The following DNTTIP2 variants were observed in gnomAD, a reference collection of about 807,000 sequenced individuals.
DNTTIP2 encodes the protein deoxynucleotidyltransferase terminal interacting protein 2.
Under a neutral mutation model 62.4 loss-of-function variants are expected in DNTTIP2, and 47 were observed. The ratio of observed to expected loss-of-function variants is 0.75; its 90% CI spans 0.60 to 0.96. DNTTIP2 has a LOEUF of 0.96. Among genes scored for constraint, DNTTIP2 ranks in the 40% least tolerant of loss-of-function variants. DNTTIP2 has a pLI of 0.00. For synonymous variants in DNTTIP2, 322 were observed against 300.9 expected (o/e 1.07, Z -0.73); for missense variants, 870 against 849.1 (o/e 1.02, Z -0.31).
At position 93,877,204 on chromosome 1, in the gene DNTTIP2, G is replaced by C. The variant is rs1367325234; in HGVS notation, c.731C>G (p.Thr244Ser). The change falls in exon 2 of 7, where the codon ACT becomes AGT. Residue 244 changes from threonine to serine, a missense_variant. Physicochemically the swap from Thr to Ser is moderately conservative, Grantham distance 58. Transcript: ENST00000436063. ...VNSEDSDTRQ[T>S]SHLQARSLSE... is the part of the protein sequence containing the mutation. ...AAGAGATCTTGCTTGTAAATGGGAA[G>C]TTTGTCTGGTATCTGAATCCTCTGA... 2 of 1,613,722 alleles carry C rather than the reference G, an allele frequency of 1.2e-6. No individual in the cohort carries two copies. Among genetic ancestry groups the C allele is most frequent in the Non-Finnish European group, 1.7e-6 (2 of 1,179,870 alleles).
rs1005553294 is a variant in DNTTIP2, at chr1:93,867,815, A to G, written c.*2036T>C. ...AACATAGTATTCCAGAAACAAAAGT[A>G]GTTTTTTTTTAAAATAAAAGAGAAC... On this transcript the variant is annotated 3_prime_UTR_variant, in exon 7 of 7. Transcript: ENST00000436063. The G allele has an allele frequency of 8.9e-6, 1 of 112,764 alleles. No individual in the cohort carries two copies. The highest frequency in any genetic ancestry group is 1.9e-5 in the Non-Finnish European group (1 of 54,050). 7.0% of individuals were successfully genotyped at this position (112,764 alleles called of 1,614,324 possible).
At chr1:93,871,200 G>A (rs1014024606) in intron 5 of DNTTIP2, among the ~76,000 whole-genome samples, 18 of 152,126 alleles carry the variant, frequency 1.2e-4, no homozygotes. Flanking sequence ...TTCTGTATTT[G>A]TTCATACACT....
At chr1:93,879,001 G>C in intron 1 of DNTTIP2, 76 bp downstream of exon 1, 2 of 1,571,244 alleles carry the variant, frequency 1.3e-6, no homozygotes, top group South Asian at 1.2e-5. Context: ...ACCCTTAACC[G>C]GACCCTTGCG....
intron 3 of DNTTIP2, among the ~76,000 whole-genome samples, chr1:93,875,335 C>A (rs1396141115): frequency 1.3e-5 from 2 of 152,026 alleles, no homozygotes; most frequent in African/African-American, 4.8e-5. Flanking sequence ...AGATTCTCAA[C>A]AGTCTACACT....
intron 5 of DNTTIP2, 122 bp downstream of exon 5, chr1:93,871,950 T>C: frequency 9.1e-7 from 1 of 1,102,054 alleles, no homozygotes. Context: ...GCAGATATGT[T>C]CCATACATTA....
At position 93,876,630 on chromosome 1, in the gene DNTTIP2, C is replaced by T; in HGVS notation, c.1305G>A (p.Gln435=). The change falls in exon 2 of 7, where the codon CAG becomes CAA. Residue 435 remains glutamine, a synonymous_variant. Transcript: ENST00000436063. ...CTAGTAAGACAGAATTATCTTTACC[C>T]TGAGATGTGTTGGGCGCAGACGTGT... ...KLYTSAPNTS[Q]GKDNSVLLVL... The T allele has an allele frequency of 6.2e-7, 1 of 1,614,000 alleles. No homozygotes were observed. Among genetic ancestry groups the T allele is most frequent in the African/African-American group, 1.3e-5 (1 of 75,042 alleles).
chr1:93,876,689 C>T lies in DNTTIP2; in HGVS notation c.1246G>A (p.Gly416Arg), dbSNP rs1656016931. The T allele has an allele frequency of 6.2e-7, 1 of 1,613,898 alleles. No individual in the cohort carries two copies. The highest frequency in any genetic ancestry group is 1.7e-5 in the Admixed American group (1 of 60,012). ...GTATCACATTCAAAATCTACATTCC[C>T]TTCACTGTTCATGTCTTCACTGACA... ...ISVSEDMNSE[G>R]NVDFECDTKL... Residue 416 changes from glycine to arginine, a missense_variant, in exon 2 of 7, where the codon GGG (glycine) becomes AGG (arginine). Gly to Arg is a moderately radical substitution (Grantham distance 125). Coordinates refer to ENST00000436063, the MANE Select transcript of DNTTIP2 (RefSeq NM_014597.5).
At chr1:93,876,036 C>G (rs115740577) in intron 2 of DNTTIP2, among the ~76,000 whole-genome samples, 259 of 34,666 alleles carry the variant, frequency 7.5e-3, no homozygotes, top group African/African-American at 0.029. Flanking sequence ...ACCACTGCAG[C>G]CTTGAACTCT....
rs1317289051 is a variant in DNTTIP2, at chr1:93,875,705, T to G, written c.1746A>C (p.Ala582=). The G allele has an allele frequency of 1.1e-5, 18 of 1,613,598 alleles. No homozygotes were observed. In the South Asian group the frequency reaches 2.0e-4, roughly 18 times the overall value. ...QLGGLYINFN[A]DKLQSNKRTL... is the part of the protein sequence containing the mutation. Reference sequence around the variant, plus strand: ...TTCTCTTGTTAGACTGTAGTTTATCTGCATTAAAATTAATATACAAACCAC... The same window carrying G: ...TTCTCTTGTTAGACTGTAGTTTATCGGCATTAAAATTAATATACAAACCAC... Residue 582 remains alanine (A), a synonymous_variant, in exon 3 of 7, where the codon GCA becomes GCC. Transcript: ENST00000436063.
intron 6 of DNTTIP2, among the ~76,000 whole-genome samples, chr1:93,870,257 A>G (rs1377407662): frequency 6.6e-6 from 1 of 152,200 alleles, no homozygotes; most frequent in Non-Finnish European, 1.5e-5. Flanking sequence ...GACTAAGCAA[A>G]ACAAAAAGTC....
At position 93,876,348 on chromosome 1, in the gene DNTTIP2, T is replaced by C. The variant is rs762256669; in HGVS notation, c.1587A>G (p.Glu529=). 6.4e-6 allele frequency: 10 copies of C among 1,557,136 alleles called. No individual in the cohort carries two copies. The African/African-American group carries it at 6.8e-5, about 11-fold the overall frequency. The change falls in exon 2 of 7, where the codon GAA becomes GAG. Residue 529 remains glutamate (E), a synonymous_variant. Transcript: ENST00000436063. The part of the protein sequence containing the change: ...EKEEEEDEKS[E]EDSSDHDENE... ...TTTCGTCATGGTCTGATGAATCTTC[T>C]TCACTTTTTTCATCCTCTTCCTCTT...
intron 4 of DNTTIP2, 56 bp downstream of exon 4, chr1:93,873,063 G>C: frequency 2.4e-6 from 3 of 1,248,710 alleles, no homozygotes; most frequent in Non-Finnish European, 3.5e-6. Context: ...TGTTGTATAA[G>C]CTGAAAATAT....
Position 93,877,441 on chromosome 1 carries a change from C to T in DNTTIP2, c.494G>A (p.Arg165Lys). The part of the protein sequence containing the change: ...LPTEKTTGAR[R>K]SKAKSLTDPS... The stretch of plus-strand genomic sequence containing the variant: ...ATCTGTCAGAGATTTAGCCTTACTT[C>T]TTCTGGCTCCTGTAGTTTTTTCTGT... The change falls in exon 2 of 7, where the codon AGA becomes AAA. Residue 165 changes from arginine to lysine, a missense_variant. By Grantham distance (26) the Arg-to-Lys change is conservative. Coordinates refer to ENST00000436063, the MANE Select transcript of DNTTIP2 (RefSeq NM_014597.5). 1.2e-6 allele frequency: 2 copies of T among 1,613,852 alleles called. No homozygotes were observed. Among genetic ancestry groups the T allele is most frequent in the Non-Finnish European group, 1.7e-6 (2 of 1,179,880 alleles).
Position 93,876,688 on chromosome 1 carries a change from CCTTCACTGTTCATGT to C in DNTTIP2, c.1232_1246del (p.Asp411_Glu415del), listed in dbSNP as rs1656017003. The C allele has an allele frequency of 6.2e-7, 1 of 1,613,884 alleles. No individual in the cohort carries two copies. The highest frequency in any genetic ancestry group is 1.3e-5 in the African/African-American group (1 of 74,908). ...GGTATCACATTCAAAATCTACATTC[CCTTCACTGTTCATGT>C]CTTCACTGACACTTATAACTGTGGA... On this transcript the variant is annotated inframe_deletion, in exon 2 of 7. Transcript: ENST00000436063.
In DNTTIP2 at chr1:93,870,798, A is replaced by G; in HGVS notation, c.2068-6T>C. ...TTGTCAACAATGGTTCCAATCTGTG[A>G]ACAATTGATTGAAATAAGTCATGCA... On this transcript the variant is annotated splice_region_variant and splice_polypyrimidine_tract_variant and intron_variant, in intron 5 of 6. Transcript: ENST00000436063. 6.7e-7 allele frequency: 1 copy of G among 1,493,738 alleles called. No homozygotes were observed. The highest frequency in any genetic ancestry group is 9.1e-7 in the Non-Finnish European group (1 of 1,103,134). The allele number at this position is 1,493,738 out of a possible 1,614,324, so 92.5% of individuals were successfully genotyped here. A position where few individuals can be genotyped will look rare whatever the true frequency, so the allele number is the denominator to read the frequency against.
rs1032289922 is a variant in DNTTIP2 at position 93,866,384 on chromosome 1, T to A, written c.*3467A>T. The stretch of plus-strand genomic sequence containing the variant: ...TTACTGAAAACTTTCAATAAAGATA[T>A]TCATCTAATTAAATAGTAAGTACAA... On this transcript the variant is annotated 3_prime_UTR_variant, in exon 7 of 7. Coordinates refer to ENST00000436063, the MANE Select transcript of DNTTIP2 (RefSeq NM_014597.5). 4 of 152,226 alleles carry A rather than the reference T, an allele frequency of 2.6e-5. No homozygotes were observed. Among genetic ancestry groups the A allele is most frequent in the African/African-American group, 7.2e-5 (3 of 41,456 alleles). 9.4% of individuals were successfully genotyped at this position (152,226 alleles called of 1,614,324 possible).
In DNTTIP2 at chr1:93,879,109, G is replaced by C. The variant is rs1396769166; in HGVS notation, c.40C>G (p.Gln14Glu). Reference sequence around the variant, plus strand: ...CCGGAACTTTCAGCCGACGCGGCTTGGATGCTGGCCTTAGCCCGTGCAGAT... The same window carrying C: ...CCGGAACTTTCAGCCGACGCGGCTTCGATGCTGGCCTTAGCCCGTGCAGAT... ...TRSARAKASI[Q>E]AASAESSGQK... Residue 14 changes from glutamine to glutamate, a missense_variant, in exon 1 of 7, where the codon CAA becomes GAA. By Grantham distance (29) the Gln-to-Glu change is conservative. Coordinates refer to ENST00000436063, the MANE Select transcript of DNTTIP2 (RefSeq NM_014597.5). The C allele has an allele frequency of 6.2e-7, 1 of 1,613,606 alleles. No homozygotes were observed.
intron 4 of DNTTIP2, among the ~76,000 whole-genome samples, chr1:93,872,872 C>CTATATA (rs34797896): frequency 1.6e-5 from 2 of 127,952 alleles, no homozygotes; most frequent in African/African-American, 8.5e-5. Flanking sequence ...TAGAAGTAAT[C>CTATATA]TATATATATA....
rs982473418 is a variant in DNTTIP2 at position 93,867,968 on chromosome 1, C to G, written c.*1883G>C. Reference sequence around the variant, plus strand: ...ATGGGCAGACTGCATGACTAAAACACCAAAAGCAATGGCAACAAAAGGCAA... The same window carrying G: ...ATGGGCAGACTGCATGACTAAAACAGCAAAAGCAATGGCAACAAAAGGCAA... On this transcript the variant is annotated 3_prime_UTR_variant, in exon 7 of 7. Coordinates refer to ENST00000436063, the MANE Select transcript of DNTTIP2 (RefSeq NM_014597.5). 2 of 152,028 alleles carry G rather than the reference C, an allele frequency of 1.3e-5. No individual in the cohort carries two copies. Among genetic ancestry groups the G allele is most frequent in the African/African-American group, 2.4e-5 (1 of 41,394 alleles). 9.4% of individuals were successfully genotyped at this position (152,028 alleles called of 1,614,324 possible). A position where few individuals can be genotyped will look rare whatever the true frequency, so the allele number is the denominator to read the frequency against.
Sources: gnomAD v4.1 joint callset for allele counts (sites outside exome capture counted in the v4.1 genomes callset) on GRCh38, gnomAD v4.1.1 for gene constraint, MANE v1.5 for transcripts, NCBI Gene and HGNC (gene_info 2026-07-23, HGNC 2026-07-21) for gene names.